Variants in ZUP1 observed in about 807,000 individuals in gnomAD.
ZUP1 encodes the protein zinc finger-containing ubiquitin peptidase 1.
A neutral mutation model predicts 68.1 loss-of-function variants in ZUP1; 55 were observed. That is an observed-to-expected ratio of 0.81 (90% confidence interval 0.65 to 1.01). The LOEUF is 1.01. Ranked by LOEUF, ZUP1 falls within the 50% of genes least tolerant of loss-of-function variation. ZUP1 has a pLI of 0.00. For synonymous variants in ZUP1, 223 were observed against 221.5 expected (o/e 1.01, Z -0.06); for missense variants, 684 against 674.9 (o/e 1.01, Z -0.15).
intron 2 of ZUP1, among the ~76,000 whole-genome samples, chr6:116,662,777 G>A (rs1776884333): frequency 1.3e-5 from 2 of 152,134 alleles, no homozygotes; most frequent in South Asian, 4.1e-4. Context: ...GGCCCTAGAA[G>A]TAGAAGAGGC....
chr6:116,650,941 T>TA (rs1383244969), intron 7 of ZUP1, among the ~76,000 whole-genome samples: 1 of 149,438 alleles, frequency 6.7e-6, no homozygotes, highest in African/African-American at 2.5e-5. Flanking sequence ...CACAAAACAG[T>TA]GAAAAAATGC....
In ZUP1 at chr6:116,635,657, C is replaced by A; in HGVS notation, c.*175G>T. Reference sequence around the variant, plus strand: ...AAGACATTTTATTGAAATAATTTACCAAACAATGAAGTATGATAGGTATAA... The same window carrying A: ...AAGACATTTTATTGAAATAATTTACAAAACAATGAAGTATGATAGGTATAA... On this transcript the variant is annotated 3_prime_UTR_variant, in exon 10 of 10. Transcript: ENST00000368576. The A allele has an allele frequency of 2.2e-6, 1 of 449,970 alleles. No individual in the cohort carries two copies. Among genetic ancestry groups the A allele is most frequent in the Non-Finnish European group, 3.8e-6 (1 of 263,280 alleles). 27.9% of individuals were successfully genotyped at this position (449,970 alleles called of 1,614,324 possible).
At chr6:116,636,631 T>A (rs2115373177) in intron 9 of ZUP1, among the ~76,000 whole-genome samples, 1 of 152,270 alleles carries the variant, frequency 6.6e-6, no homozygotes, top group Middle Eastern at 3.4e-3. Context: ...AAGACTCTAG[T>A]GGCCAAGATT....
intron 2 of ZUP1, among the ~76,000 whole-genome samples, chr6:116,664,113 A>G (rs1346371663): frequency 6.6e-6 from 1 of 152,178 alleles, no homozygotes; most frequent in Non-Finnish European, 1.5e-5. Context: ...TACAGAAATA[A>G]AGCTAACACA....
Position 116,636,332 on chromosome 6 carries a change from T to A in ZUP1, c.1690-453A>T, listed in dbSNP as rs148715690. 1.2e-4 allele frequency among the ~76,000 whole-genome samples: 19 copies of A among 152,184 alleles called. No homozygotes were observed. The East Asian group carries it at 3.5e-3, about 28-fold the overall frequency. On this transcript the variant is annotated intron_variant, in intron 9 of 9. Coordinates refer to ENST00000368576, the MANE Select transcript of ZUP1 (RefSeq NM_145062.3). Reference sequence around the variant, plus strand: ...AACCTGAGTTCCAAATCAAGACATATCAAACCAAGCTAAATTAAGTTAAAT... The same window carrying A: ...AACCTGAGTTCCAAATCAAGACATAACAAACCAAGCTAAATTAAGTTAAAT...
chr6:116,665,420 T>G (rs544706266), intron 2 of ZUP1, among the ~76,000 whole-genome samples: 4 of 152,034 alleles, frequency 2.6e-5, no homozygotes, highest in African/African-American at 9.7e-5. Flanking sequence ...AAGAAGAAAT[T>G]GTCAAGTTGC....
chr6:116,642,945 C>T (rs914098772), intron 9 of ZUP1, among the ~76,000 whole-genome samples: 1 of 152,194 alleles, frequency 6.6e-6, no homozygotes, highest in African/African-American at 2.4e-5. Flanking sequence ...ACCCCACTGT[C>T]TCAGCCCAAA....
chr6:116,658,291 A>G (rs1022811345), intron 4 of ZUP1, among the ~76,000 whole-genome samples: 1 of 152,244 alleles, frequency 6.6e-6, no homozygotes, highest in Non-Finnish European at 1.5e-5. Context: ...GAAGCCTCAA[A>G]TATCATTTAA....
rs1776815366 is a variant in ZUP1, at chr6:116,660,870, T to C, written c.560-24A>G. The C allele has an allele frequency of 3.8e-6, 5 of 1,309,346 alleles. No individual in the cohort carries two copies. The East Asian group carries it at 1.0e-4, about 26-fold the overall frequency. 81.1% of individuals were successfully genotyped at this position (1,309,346 alleles called of 1,614,324 possible). On this transcript the variant is annotated intron_variant, in intron 2 of 9. Coordinates refer to ENST00000368576, the MANE Select transcript of ZUP1 (RefSeq NM_145062.3). The stretch of plus-strand genomic sequence containing the variant: ...GTCTGTATCAGAGATATAATTAAGT[T>C]GTTTTTATTTTTTTATTTTAATTTT...
chr6:116,663,118 T>G (rs986757106), intron 2 of ZUP1, among the ~76,000 whole-genome samples: 8 of 152,200 alleles, frequency 5.3e-5, no homozygotes, highest in African/African-American at 1.9e-4. Context: ...CTCTGAAATC[T>G]CAATTTCAAA....
intron 9 of ZUP1, among the ~76,000 whole-genome samples, chr6:116,642,715 C>A (rs200995387): frequency 0.21 from 32,169 of 151,952 alleles, 3,723 homozygotes; most frequent in Non-Finnish European, 0.27. Context: ...CTATGACAAA[C>A]CCACAGCCAA....
chr6:116,653,635 C>T (rs1480119753), intron 5 of ZUP1, among the ~76,000 whole-genome samples: 1 of 151,790 alleles, frequency 6.6e-6, no homozygotes, highest in Non-Finnish European at 1.5e-5. Flanking sequence ...TAACTGAGTA[C>T]TAAATGTTGT....
At position 116,658,897 on chromosome 6, in the gene ZUP1, T is replaced by C; in HGVS notation, c.698A>G (p.Asp233Gly). The stretch of plus-strand genomic sequence containing the variant: ...CTGAAGCTGGTGAGCCAATTGTAGA[T>C]CACCAGAACACTGGACTCTATCCAT... ...QGMDRVQCSG[D>G]LQLAHQLQQE... Residue 233 changes from aspartate (D) to glycine (G), a missense_variant, in exon 4 of 10, where the codon GAT becomes GGT. Physicochemically the swap from Asp to Gly is moderately conservative, Grantham distance 94. Coordinates refer to ENST00000368576, the MANE Select transcript of ZUP1 (RefSeq NM_145062.3). 1.2e-6 allele frequency: 2 copies of C among 1,612,212 alleles called. No homozygotes were observed. The highest frequency in any genetic ancestry group is 1.7e-6 in the Non-Finnish European group (2 of 1,179,574).
chr6:116,640,157 G>C lies in ZUP1; in HGVS notation c.1690-4278C>G, dbSNP rs1324554069. ...TAGAGAAAAAAGAATAGAAAGAAATGAACAAAGCCTCCAAGAAATATGGGA... is the reference window on the plus strand; with the variant it reads ...TAGAGAAAAAAGAATAGAAAGAAATCAACAAAGCCTCCAAGAAATATGGGA... On this transcript the variant is annotated intron_variant, in intron 9 of 9. Coordinates refer to ENST00000368576, the MANE Select transcript of ZUP1 (RefSeq NM_145062.3). 3.1e-5 allele frequency among the ~76,000 whole-genome samples: 4 copies of C among 128,544 alleles called. No individual in the cohort carries two copies. The Admixed American group carries it at 3.3e-4, about 11-fold the overall frequency. The allele number at this position is 128,544 out of a possible 152,430, so 84.3% of individuals were successfully genotyped here. A position where few individuals can be genotyped will look rare whatever the true frequency, so the allele number is the denominator to read the frequency against.
At chr6:116,651,358 T>A (rs1413350035) in intron 7 of ZUP1, among the ~76,000 whole-genome samples, 1 of 152,058 alleles carries the variant, frequency 6.6e-6, no homozygotes, top group Non-Finnish European at 1.5e-5. Flanking sequence ...AGCATACCAT[T>A]TAAAAACAAT....
At chr6:116,651,974 G>T in intron 6 of ZUP1, 30 bp downstream of exon 6, 1 of 1,601,458 alleles carries the variant, frequency 6.2e-7, no homozygotes, top group South Asian at 1.1e-5. Context: ...TTTATCAGAT[G>T]ACAAGTTCAG....
Position 116,666,740 on chromosome 6 carries a change from G to C in ZUP1, c.453C>G (p.Tyr151Ter). The change falls in exon 2 of 10, where the codon TAC becomes TAG. Residue 151 changes from tyrosine (Y) to a stop codon, truncating the protein, a stop_gained. Coordinates refer to ENST00000368576, the MANE Select transcript of ZUP1 (RefSeq NM_145062.3). LOFTEE classifies it high-confidence loss of function. ...CACAGAATGGACATTCAGGAGGACTGTATGTTGTTTCATAAACAGATCCTT... is the reference window on the plus strand; with the variant it reads ...CACAGAATGGACATTCAGGAGGACTCTATGTTGTTTCATAAACAGATCCTT... ...EIKGSVYETTYSPPECPFCGK... is the reference protein window; with the variant it reads ...EIKGSVYETT 1 of 1,613,904 alleles carries C rather than the reference G, an allele frequency of 6.2e-7. No individual in the cohort carries two copies. Among genetic ancestry groups the C allele is most frequent in the Non-Finnish European group, 8.5e-7 (1 of 1,179,918 alleles).
intron 9 of ZUP1, among the ~76,000 whole-genome samples, chr6:116,644,823 A>G (rs1776237542): frequency 1.3e-5 from 2 of 151,848 alleles, no homozygotes; most frequent in Admixed American, 6.6e-5. Flanking sequence ...CATGTACCCT[A>G]AAACTTAAAG....
chr6:116,654,969 C>T lies in ZUP1; in HGVS notation c.961+1715G>A, dbSNP rs544770596. On this transcript the variant is annotated intron_variant, in intron 5 of 9. Transcript: ENST00000368576. ...TTAACAACGTTGAAGATTTGCACGCCCTTTAACTTAGCATTCCAGTTCTGG... is the reference window on the plus strand; with the variant it reads ...TTAACAACGTTGAAGATTTGCACGCTCTTTAACTTAGCATTCCAGTTCTGG... Among the ~76,000 whole-genome samples, 6 of 152,178 alleles carry T rather than the reference C, an allele frequency of 3.9e-5. No homozygotes were observed. In the South Asian group the frequency reaches 1.2e-3, roughly 31 times the overall value.
Sources: gnomAD v4.1 joint callset for allele counts (sites outside exome capture counted in the v4.1 genomes callset) on GRCh38, gnomAD v4.1.1 for gene constraint, MANE v1.5 for transcripts, NCBI Gene and HGNC (gene_info 2026-07-23, HGNC 2026-07-21) for gene names.